The following RIF1 variants were observed in gnomAD, a reference collection of about 807,000 sequenced individuals.
The protein encoded by RIF1 is telomere-associated protein RIF1.
A neutral mutation model predicts 247.1 loss-of-function variants in RIF1; 45 were observed. That is an observed-to-expected ratio of 0.18 (90% CI 0.14 to 0.23). RIF1 has a LOEUF of 0.23. Among genes scored for constraint, RIF1 ranks in the 10% least tolerant of loss-of-function variants. The pLI is 1.00. For missense variants in RIF1, 2,967 were observed against 2,862.5 expected, an observed-to-expected ratio of 1.04 and a Z score of -0.83; for synonymous variants, 1,087 against 978.8, an observed-to-expected ratio of 1.11 and a Z score of -2.06.
chr2:151,486,238 C>G (rs1574279207), downstream of RIF1: 3 of 271,548 alleles, frequency 1.1e-5, no homozygotes, highest in East Asian at 2.3e-4. Flanking sequence ...AGCCAAAAAG[C>G]ACACAAAAGG....
chr2:151,428,807 C>T lies in RIF1; in HGVS notation c.810C>T (p.Phe270=), dbSNP rs566093293. 8 of 1,604,190 alleles carry T rather than the reference C, an allele frequency of 5.0e-6. No individual in the cohort carries two copies. In the South Asian group the frequency reaches 5.5e-5, roughly 11 times the overall value. ...AGACCTTGCATCGAAGTGGGAGTTT[C>T]ATCAATTCTCTCTTGCAACTAGAAG... ...LGRTLHRSGS[F]INSLLQLEEL... is the part of the protein sequence containing the mutation. The change falls in exon 9 of 36, where the codon TTC becomes TTT. Residue 270 remains phenylalanine (F), a synonymous_variant. Transcript: ENST00000444746.
At chr2:151,412,934 A>C (rs751454368) in intron 3 of RIF1, among the ~76,000 whole-genome samples, 11 of 152,128 alleles carry the variant, frequency 7.2e-5, no homozygotes, top group Non-Finnish European at 1.3e-4. Context: ...TAGTTACTTA[A>C]TATCAGTGTT....
chr2:151,496,579 T>C (rs190418561), intron 10 of RIF1, among the ~76,000 whole-genome samples: 13 of 152,318 alleles, frequency 8.5e-5, no homozygotes, highest in Non-Finnish European at 1.3e-4. Context: ...GGACCTCAGC[T>C]GCTGGGGAAA....
rs973497320 is a variant in RIF1, at chr2:151,475,908, A to G, written c.*837A>G. The G allele has an allele frequency of 3.9e-5, 6 of 152,642 alleles. No homozygotes were observed. The highest frequency in any genetic ancestry group is 6.5e-5 in the Admixed American group (1 of 15,280). The allele number at this position is 152,642 out of a possible 1,614,324, so 9.5% of individuals were successfully genotyped here. On this transcript the variant is annotated 3_prime_UTR_variant, in exon 36 of 36. Coordinates refer to ENST00000444746, the MANE Select transcript of RIF1 (RefSeq NM_018151.5). ...ATATATTAAATACTGAAATATCAGT[A>G]TCGACGGTGGAAGTGCTTCATGGGC...
chr2:151,502,831 T>C (rs1360597942), intron 11 of RIF1: 1 of 1,609,688 alleles, frequency 6.2e-7, no homozygotes, highest in Non-Finnish European at 8.5e-7. Context: ...ACTCTCTCCA[T>C]CTCTGGAGTG....
At chr2:151,531,684 C>T in the RIF1 span, 1 of 810,384 alleles carries the variant, frequency 1.2e-6, no homozygotes, top group Non-Finnish European at 2.1e-6. Context: ...TGCCTCCCTC[C>T]CACTAAATGG....
chr2:151,456,525 G>T, intron 22 of RIF1, 53 bp from the exon 23 acceptor site: 1 of 924,424 alleles, frequency 1.1e-6, no homozygotes, highest in South Asian at 1.5e-5. Flanking sequence ...TTGATAGATA[G>T]TACAGTGTTA....
rs1351923883 is a variant in RIF1 at position 151,481,007 on chromosome 2, TA to T, written c.*5940del. The T allele has an allele frequency of 5.9e-5, 9 of 152,266 alleles. No individual in the cohort carries two copies. Among genetic ancestry groups the T allele is most frequent in the Non-Finnish European group, 1.2e-4 (8 of 68,018 alleles). The allele number at this position is 152,266 out of a possible 1,614,324, so 9.4% of individuals were successfully genotyped here. A position where few individuals can be genotyped will look rare whatever the true frequency, so the allele number is the denominator to read the frequency against. On this transcript the variant is annotated 3_prime_UTR_variant, in exon 36 of 36. Coordinates refer to ENST00000444746, the MANE Select transcript of RIF1 (RefSeq NM_018151.5). ...TGTGACACATGAAAACATATTAAAT[TA>T]AAATTTCAGTATCCAGAAATAAAGT...
At chr2:151,461,335 T>A in intron 27 of RIF1, 46 bp downstream of exon 27, 1 of 1,565,226 alleles carries the variant, frequency 6.4e-7, no homozygotes, top group African/African-American at 1.4e-5. Context: ...TATTCAGGCT[T>A]AGATTTCATG....
chr2:151,428,743 T>C (rs1191823309), intron 8 of RIF1, 41 bp from the exon 9 acceptor site: 3 of 1,486,178 alleles, frequency 2.0e-6, no homozygotes, highest in South Asian at 1.1e-5. Flanking sequence ...TTCTGTTTCA[T>C]GCAGATAAAT....
At chr2:151,502,829 C>T in intron 11 of RIF1, 1 of 1,607,508 alleles carries the variant, frequency 6.2e-7, no homozygotes, top group South Asian at 1.1e-5. Context: ...TGACTCTCTC[C>T]ATCTCTGGAG....
intron 8 of RIF1, chr2:151,423,855 C>T (rs1638321008): frequency 6.6e-6 from 1 of 152,108 alleles, no homozygotes; most frequent in Admixed American, 6.6e-5. Flanking sequence ...AAGTCAGTGG[C>T]ATTAAATCTA....
At chr2:151,499,469 T>C in exon 11 of RIF1, 1 of 752,450 alleles carries the variant, frequency 1.3e-6, no homozygotes, top group South Asian at 1.5e-5. Flanking sequence ...GGGAACCTGG[T>C]ATAAAACTAC....
intron 11 of RIF1, chr2:151,501,541 TTA>T: frequency 3.9e-6 from 4 of 1,013,494 alleles, no homozygotes; most frequent in Non-Finnish European, 5.4e-6. Context: ...TTAGGTAGAC[TTA>T]ACCTAAAAAA....
At chr2:151,534,429 G>T in the RIF1 span, 1 of 853,980 alleles carries the variant, frequency 1.2e-6, no homozygotes, top group Non-Finnish European at 1.9e-6. Context: ...CTAGTGGCGG[G>T]CTCCCAACAT....
chr2:151,464,722 C>T lies in RIF1; in HGVS notation c.5202C>T (p.Cys1734=). Residue 1734 remains cysteine (C), a synonymous_variant, in exon 30 of 36, where the codon TGC becomes TGT. Coordinates refer to ENST00000444746, the MANE Select transcript of RIF1 (RefSeq NM_018151.5). Reference sequence around the variant, plus strand: ...TGAGGAGATCTAAAGGTTGTGATTGCTGTGGGGAAAAATCACAACCTCAGG... The same window carrying T: ...TGAGGAGATCTAAAGGTTGTGATTGTTGTGGGGAAAAATCACAACCTCAGG... ...RRVRRSKGCD[C]CGEKSQPQEK... 1.9e-6 allele frequency: 3 copies of T among 1,613,082 alleles called. No individual in the cohort carries two copies. In the Admixed American group the frequency reaches 5.0e-5, roughly 27 times the overall value.
the RIF1 span, chr2:151,514,519 T>A: frequency 9.6e-7 from 1 of 1,038,582 alleles, no homozygotes; most frequent in South Asian, 1.3e-5. Flanking sequence ...ATTCCAATTT[T>A]TAAAGGGTTC....
chr2:151,499,497 G>C, exon 11 of RIF1: 1 of 664,398 alleles, frequency 1.5e-6, no homozygotes. Context: ...AGACAGAAAA[G>C]ACAGATTCAA....
At position 151,440,570 on chromosome 2, in the gene RIF1, G is replaced by A. The variant is rs542742576; in HGVS notation, c.1647+443G>A. Among the ~76,000 whole-genome samples the A allele has an allele frequency of 5.5e-4, 83 of 151,986 alleles. 1 individual carries two copies. The highest frequency in any genetic ancestry group is 1.7e-3 in the African/African-American group (72 of 41,436). On this transcript the variant is annotated intron_variant, in intron 15 of 35. Transcript: ENST00000444746. ...GTAGTACAGGAAGAAAAGTGAATTG[G>A]ATATGATTTTGAGGATATGGGCATC...
Sources: allele counts gnomAD v4.1 joint callset (sites outside exome capture counted in the v4.1 genomes callset), GRCh38; gene constraint gnomAD v4.1.1; transcripts MANE v1.5; gene names NCBI Gene and HGNC (gene_info 2026-07-23, HGNC 2026-07-21).